The following AGPAT3 variants were observed in gnomAD, a reference collection of about 807,000 sequenced individuals.
The protein encoded by AGPAT3 is 1-acylglycerol-3-phosphate O-acyltransferase 3.
A neutral mutation model predicts 47.3 loss-of-function variants in AGPAT3; 5 were observed. That is an observed-to-expected ratio of 0.11 (90% CI 0.06 to 0.22). The LOEUF is 0.22. Ranked by LOEUF, AGPAT3 falls within the 10% of genes least tolerant of loss-of-function variation. The pLI, the probability that AGPAT3 is intolerant of heterozygous loss-of-function variation, is 1.00. For synonymous variants in AGPAT3, 212 were observed against 208.3 expected (o/e 1.02, Z -0.15); for missense variants, 315 against 493.0 (o/e 0.64, Z 3.42).
intron 1 of AGPAT3, among the ~76,000 whole-genome samples, chr21:43,875,976 A>T (rs1271664917): frequency 6.6e-6 from 1 of 151,502 alleles, no homozygotes; most frequent in Non-Finnish European, 1.5e-5. Context: ...GTTGGTAGAG[A>T]TGGGGTCTTG....
chr21:43,945,963 G>C (rs1036610178), intron 2 of AGPAT3, among the ~76,000 whole-genome samples: 1 of 152,010 alleles, frequency 6.6e-6, no homozygotes, highest in Non-Finnish European at 1.5e-5. Context: ...CAGGAGGGTG[G>C]TGGGCCCTCC....
chr21:43,938,760 A>G (rs1472528656), intron 2 of AGPAT3, among the ~76,000 whole-genome samples: 2 of 152,212 alleles, frequency 1.3e-5, no homozygotes, highest in East Asian at 1.9e-4. Context: ...AACAGCAGAC[A>G]TCTATTATCT....
intron 3 of AGPAT3, among the ~76,000 whole-genome samples, chr21:43,961,195 G>A (rs1217074720): frequency 3.3e-5 from 5 of 151,972 alleles, no homozygotes; most frequent in South Asian, 2.1e-4. Context: ...AGAAAACTGC[G>A]TGATGCTGAT....
intron 1 of AGPAT3, among the ~76,000 whole-genome samples, chr21:43,896,081 T>A (rs2086210073): frequency 6.6e-6 from 1 of 152,196 alleles, no homozygotes; most frequent in Non-Finnish European, 1.5e-5. Context: ...TTTTGGTATT[T>A]TTAGTAGAGA....
At chr21:43,944,340 G>C (rs995237859) in intron 2 of AGPAT3, among the ~76,000 whole-genome samples, 2 of 152,238 alleles carry the variant, frequency 1.3e-5, no homozygotes, top group Admixed American at 6.5e-5. Flanking sequence ...TCCCTCCCCC[G>C]TGGGCCCTGG....
chr21:43,946,553 T>C (rs1450085933), intron 2 of AGPAT3, among the ~76,000 whole-genome samples: 1 of 149,848 alleles, frequency 6.7e-6, no homozygotes, highest in Non-Finnish European at 1.5e-5. Flanking sequence ...TGAGCTGAGG[T>C]CATGCCACTG....
intron 1 of AGPAT3, among the ~76,000 whole-genome samples, chr21:43,877,657 T>A (rs1295013557): frequency 8.5e-5 from 13 of 152,294 alleles, no homozygotes; most frequent in Non-Finnish European, 2.9e-5. Flanking sequence ...TTGGTCAGGC[T>A]GGCCTTGAAC....
chr21:43,980,531 C>T (rs1032198347), intron 8 of AGPAT3, among the ~76,000 whole-genome samples: 1 of 152,214 alleles, frequency 6.6e-6, no homozygotes, highest in Non-Finnish European at 1.5e-5. Flanking sequence ...GCTAGGAAAC[C>T]GAGGTATGCG....
Position 43,873,074 on chromosome 21 carries a change from G to A in AGPAT3, c.-112+7729G>A, listed in dbSNP as rs59095908. On this transcript the variant is annotated intron_variant, in intron 1 of 9. Transcript: ENST00000291572. Reference sequence around the variant, plus strand: ...GGGCAGACAGAGCACTGGTGCCAGCGTGGCTGCTTTGGGAATGGCAGGAGC... The same window carrying A: ...GGGCAGACAGAGCACTGGTGCCAGCATGGCTGCTTTGGGAATGGCAGGAGC... 9.8e-3 allele frequency among the ~76,000 whole-genome samples: 1,495 copies of A among 152,342 alleles called. 28 individuals are homozygous for A. Among genetic ancestry groups the A allele is most frequent in the African/African-American group, 0.034 (1,426 of 41,570 alleles).
chr21:43,935,077 G>A (rs929354189), intron 2 of AGPAT3, among the ~76,000 whole-genome samples: 3 of 152,268 alleles, frequency 2.0e-5, no homozygotes, highest in African/African-American at 7.2e-5. Flanking sequence ...CAGAACCAGT[G>A]TGGAGGCTGG....
At chr21:43,957,452 C>G (rs1334236073) in intron 2 of AGPAT3, among the ~76,000 whole-genome samples, 1 of 152,200 alleles carries the variant, frequency 6.6e-6, no homozygotes, top group East Asian at 1.9e-4. Flanking sequence ...GCACCGCCAG[C>G]CTGACTGCCA....
chr21:43,871,039 A>C (rs1239943084), intron 1 of AGPAT3, among the ~76,000 whole-genome samples: 3 of 152,234 alleles, frequency 2.0e-5, no homozygotes, highest in Non-Finnish European at 4.4e-5. Context: ...GGAGTTTTAT[A>C]TGCAATGTAT....
chr21:43,978,187 G>C, intron 8 of AGPAT3, 66 bp downstream of exon 8: 1 of 1,441,986 alleles, frequency 6.9e-7, no homozygotes, highest in Non-Finnish European at 9.6e-7. Context: ...GGGTGCTGGC[G>C]AGCAGGCAGG....
intron 2 of AGPAT3, among the ~76,000 whole-genome samples, chr21:43,929,628 C>T (rs2070545): frequency 0.027 from 4,146 of 152,340 alleles, 167 homozygotes; most frequent in African/African-American, 0.079. Context: ...GAACCGGACA[C>T]GGCCTGCCAG....
At chr21:43,936,979 T>C (rs777112857) in intron 2 of AGPAT3, among the ~76,000 whole-genome samples, 5 of 152,254 alleles carry the variant, frequency 3.3e-5, no homozygotes, top group Non-Finnish European at 7.3e-5. Context: ...GGATGCTGGT[T>C]CCCCCAAGTA....
chr21:43,878,750 T>G (rs2085788007), intron 1 of AGPAT3, among the ~76,000 whole-genome samples: 1 of 151,988 alleles, frequency 6.6e-6, no homozygotes, highest in African/African-American at 2.4e-5. Context: ...TTTTTTTTTT[T>G]TGGACACAGA....
intron 2 of AGPAT3, chr21:43,916,544 T>G (rs1284273025): frequency 9.8e-6 from 1 of 102,098 alleles, no homozygotes; most frequent in African/African-American, 6.9e-5. Context: ...TATTGAACCC[T>G]TTTTTTTTTT....
chr21:43,975,278 G>A (rs942056352), intron 7 of AGPAT3, among the ~76,000 whole-genome samples: 12 of 150,522 alleles, frequency 8.0e-5, no homozygotes, highest in East Asian at 2.0e-4. Context: ...GTGTGCTGGC[G>A]TGTGGTATGT....
chr21:43,951,908 G>A (rs1205134743), intron 2 of AGPAT3, among the ~76,000 whole-genome samples: 2 of 152,192 alleles, frequency 1.3e-5, no homozygotes, highest in Non-Finnish European at 2.9e-5. Context: ...AAAGGTTGGG[G>A]ATTTTGGCAA....
Sources: allele counts gnomAD v4.1 joint callset (sites outside exome capture counted in the v4.1 genomes callset), GRCh38; gene constraint gnomAD v4.1.1; transcripts MANE v1.5; gene names NCBI Gene and HGNC (gene_info 2026-07-23, HGNC 2026-07-21).